SHISA9: variants seen among roughly 807,000 people sequenced by gnomAD.
SHISA9 encodes protein shisa-9.
Under a neutral mutation model 38.0 loss-of-function variants are expected in SHISA9, and 13 were observed. The ratio of observed to expected loss-of-function variants is 0.34; its 90% CI spans 0.22 to 0.54. The LOEUF is 0.54. SHISA9 is among the 20% of genes least tolerant of loss of function. SHISA9 has a pLI of 0.91. For synonymous variants in SHISA9, 275 were observed against 242.0 expected, an observed-to-expected ratio of 1.14 and a Z score of -1.27; for missense variants, 538 against 575.8, an observed-to-expected ratio of 0.93 and a Z score of 0.67.
the SHISA9 span, among the ~76,000 whole-genome samples, chr16:13,369,369 T>A: frequency 6.6e-6 from 1 of 152,178 alleles, no homozygotes; most frequent in Non-Finnish European, 1.5e-5. Flanking sequence ...GGAGTGTGGT[T>A]GCTTGCTGGT....
chr16:13,271,036 C>A, the SHISA9 span, among the ~76,000 whole-genome samples: 1 of 152,190 alleles, frequency 6.6e-6, no homozygotes, highest in African/African-American at 2.4e-5. Context: ...AGTGTGCATA[C>A]TGACCACTGA....
chr16:13,499,679 G>C, the SHISA9 span, among the ~76,000 whole-genome samples: 2 of 152,114 alleles, frequency 1.3e-5, no homozygotes, highest in African/African-American at 2.4e-5. Flanking sequence ...CACAGTGACT[G>C]TACTGTTTGT....
intron 2 of SHISA9, among the ~76,000 whole-genome samples, chr16:13,062,654 G>T (rs938992897): frequency 7.2e-5 from 11 of 152,152 alleles, no homozygotes; most frequent in Middle Eastern, 3.2e-3. Flanking sequence ...TGGAGTAGGG[G>T]GAGGGGAGTA....
chr16:13,156,181 A>G (rs1048231722), intron 2 of SHISA9, among the ~76,000 whole-genome samples: 1 of 152,160 alleles, frequency 6.6e-6, no homozygotes, highest in African/African-American at 2.4e-5. Flanking sequence ...GAAAATTGGC[A>G]GCCAGTCTGA....
the SHISA9 span, among the ~76,000 whole-genome samples, chr16:13,380,982 C>T: frequency 6.6e-5 from 10 of 152,072 alleles, no homozygotes; most frequent in African/African-American, 2.2e-4. Context: ...ATCCATGCCC[C>T]TGCAAAGGAC....
At chr16:13,367,814 A>T in the SHISA9 span, among the ~76,000 whole-genome samples, 1 of 151,920 alleles carries the variant, frequency 6.6e-6, no homozygotes, top group Non-Finnish European at 1.5e-5. Context: ...GGCATTCCAC[A>T]GTCTTCCAGG....
intron 2 of SHISA9, among the ~76,000 whole-genome samples, chr16:13,070,375 A>G (rs1455416829): frequency 2.6e-5 from 4 of 152,110 alleles, no homozygotes; most frequent in Non-Finnish European, 4.4e-5. Flanking sequence ...TGCCTAGGAA[A>G]CCACCGCAGG....
the SHISA9 span, among the ~76,000 whole-genome samples, chr16:13,469,435 GAGAAAGA>G: frequency 3.6e-4 from 45 of 124,562 alleles, 1 homozygote; most frequent in African/African-American, 1.4e-3. Context: ...AAGAAAGAAA[GAGAAAGA>G]AAGAGAAAGA....
At chr16:12,943,955 A>T (rs2071656080) in intron 2 of SHISA9, among the ~76,000 whole-genome samples, 1 of 152,128 alleles carries the variant, frequency 6.6e-6, no homozygotes, top group Admixed American at 6.6e-5. Context: ...TTTATTTCTC[A>T]ACCCCAACAC....
the SHISA9 span, among the ~76,000 whole-genome samples, chr16:13,494,478 A>G: frequency 0.29 from 44,775 of 152,126 alleles, 7,032 homozygotes; most frequent in East Asian, 0.37. Context: ...ACAACCTGGA[A>G]TCTGAGAAAC....
chr16:13,073,220 CTCTT>C (rs1244649893), intron 2 of SHISA9, among the ~76,000 whole-genome samples: 4 of 145,898 alleles, frequency 2.7e-5, no homozygotes, highest in African/African-American at 5.1e-5. Context: ...CTCTCTCTCT[CTCTT>C]TTTTTTTTTT....
chr16:13,518,492 C>G, the SHISA9 span, among the ~76,000 whole-genome samples: 1 of 152,132 alleles, frequency 6.6e-6, no homozygotes, highest in East Asian at 1.9e-4. Context: ...ATCTATCTTG[C>G]TGATTTCCCC....
intron 2 of SHISA9, among the ~76,000 whole-genome samples, chr16:12,952,356 A>G (rs2071769381): frequency 6.6e-6 from 1 of 152,160 alleles, no homozygotes; most frequent in South Asian, 2.1e-4. Context: ...AATGTGGAGG[A>G]TCTCCCAGAG....
chr16:13,452,511 A>G, the SHISA9 span, among the ~76,000 whole-genome samples: 2 of 152,170 alleles, frequency 1.3e-5, no homozygotes, highest in African/African-American at 4.8e-5. Context: ...AGCTAAACAA[A>G]GGTGGGTAGG....
At chr16:13,100,401 A>G (rs1266342315) in intron 2 of SHISA9, among the ~76,000 whole-genome samples, 2 of 152,180 alleles carry the variant, frequency 1.3e-5, no homozygotes, top group Non-Finnish European at 2.9e-5. Flanking sequence ...AGTGAATCCC[A>G]GATATGCACC....
chr16:13,399,660 C>G, the SHISA9 span, among the ~76,000 whole-genome samples: 1 of 152,314 alleles, frequency 6.6e-6, no homozygotes, highest in African/African-American at 2.4e-5. Context: ...GCTCCTGCTT[C>G]TTCACCGCTG....
At chr16:13,249,561 C>T in the SHISA9 span, among the ~76,000 whole-genome samples, 4 of 152,126 alleles carry the variant, frequency 2.6e-5, no homozygotes, top group African/African-American at 9.7e-5. Context: ...CTTCCAAGAC[C>T]TTGGCATCTA....
chr16:13,206,278 G>A (rs1031144019), intron 3 of SHISA9, among the ~76,000 whole-genome samples: 28 of 152,212 alleles, frequency 1.8e-4, no homozygotes, highest in African/African-American at 6.3e-4. Context: ...TGGGCAGGCA[G>A]AAAACCCCAC....
At chr16:13,178,092 C>G (rs1204667004) in intron 2 of SHISA9, among the ~76,000 whole-genome samples, 1 of 152,146 alleles carries the variant, frequency 6.6e-6, no homozygotes, top group African/African-American at 2.4e-5. Flanking sequence ...TTTTGAGGTT[C>G]TTTAAAGAAG....
Sources: allele counts gnomAD v4.1 joint callset (sites outside exome capture counted in the v4.1 genomes callset), GRCh38; gene constraint gnomAD v4.1.1; transcripts MANE v1.5; gene names NCBI Gene and HGNC (gene_info 2026-07-23, HGNC 2026-07-21).